TBL1X: variants seen among roughly 807,000 people sequenced by gnomAD.
The protein encoded by TBL1X is F-box-like/WD repeat-containing protein TBL1X.
Under a neutral mutation model 50.7 loss-of-function variants are expected in TBL1X, and 10 were observed. That is an observed-to-expected ratio of 0.20 (90% CI 0.12 to 0.33). The LOEUF is 0.33. TBL1X is among the 10% of genes least tolerant of loss of function. The pLI is 1.00. For synonymous variants in TBL1X, 190 were observed against 214.7 expected (o/e 0.88, Z 1.01); for missense variants, 340 against 504.4 (o/e 0.67, Z 3.12).
intron 13 of TBL1X, among the ~76,000 whole-genome samples, chrX:9,708,256 C>T (rs929667267): frequency 8.9e-6 from 1 of 112,087 alleles, no homozygotes; most frequent in African/African-American, 3.2e-5. Context: ...CACCTTTATC[C>T]TCCAGGGTTT....
chrX:9,475,716 G>A (rs1262321589), intron 1 of TBL1X, among the ~76,000 whole-genome samples: 1 of 111,386 alleles, frequency 9.0e-6, no homozygotes, highest in African/African-American at 3.3e-5. Context: ...TGCTTAGAAT[G>A]GCTGAAGGTT....
chrX:9,700,415 T>C (rs2146647073), intron 12 of TBL1X, among the ~76,000 whole-genome samples: 1 of 111,985 alleles, frequency 8.9e-6, no homozygotes, highest in South Asian at 3.7e-4. Flanking sequence ...CCCCAGGCCC[T>C]ATGGAAGGGT....
chrX:9,569,346 T>C (rs1025590552), intron 2 of TBL1X, among the ~76,000 whole-genome samples: 2 of 106,773 alleles, frequency 1.9e-5, no homozygotes, highest in African/African-American at 6.9e-5. Flanking sequence ...CTGTGCAGTG[T>C]GCTGTGTGTG....
chrX:9,702,441 CAAA>C (rs368394481), intron 12 of TBL1X, among the ~76,000 whole-genome samples: 2,162 of 45,153 alleles, frequency 0.048, 35 homozygotes, highest in Middle Eastern at 0.13. Context: ...GATCCTGTCT[CAAA>C]AAAAAAAAAA....
intron 1 of TBL1X, among the ~76,000 whole-genome samples, chrX:9,467,507 A>G: frequency 8.9e-6 from 1 of 112,528 alleles, no homozygotes; most frequent in South Asian, 3.7e-4. Flanking sequence ...CCCTTAGGAA[A>G]AGCAAAAAAA....
chrX:9,711,860 T>C, intron 16 of TBL1X, 84 bp downstream of exon 16: 4 of 1,032,354 alleles, frequency 3.9e-6, no homozygotes, highest in Non-Finnish European at 5.1e-6. Flanking sequence ...CTCAGAGCAG[T>C]GCCCCGGAGG....
At chrX:9,465,725 C>T (rs1398728604) in intron 1 of TBL1X, among the ~76,000 whole-genome samples, 1 of 112,797 alleles carries the variant, frequency 8.9e-6, no homozygotes, top group East Asian at 2.9e-4. Context: ...CGGGGGGCTC[C>T]TTTGTTTTGG....
At position 9,656,372 on chromosome X, in the gene TBL1X, G is replaced by A. The variant is rs774710946; in HGVS notation, c.211+2050G>A. On this transcript the variant is annotated intron_variant, in intron 5 of 17. Transcript: ENST00000645353. ...AACAAGTCCCAGGCTGGAACTGTCC[G>A]GTGTGAAGGACCACGTGCTCCGGTA... Among the ~76,000 whole-genome samples, 25 of 112,961 alleles carry A rather than the reference G, an allele frequency of 2.2e-4. No homozygotes were observed. The South Asian group carries it at 8.3e-3, about 38-fold the overall frequency.
At chrX:9,510,135 G>A (rs1056629031) in intron 2 of TBL1X, among the ~76,000 whole-genome samples, 1 of 111,063 alleles carries the variant, frequency 9.0e-6, no homozygotes, top group Admixed American at 9.6e-5. Context: ...TGGGGTGGGG[G>A]TGCTATGGCA....
intron 8 of TBL1X, 22 bp downstream of exon 8, chrX:9,691,733 G>A: frequency 8.3e-7 from 1 of 1,208,162 alleles, no homozygotes; most frequent in East Asian, 3.0e-5. Context: ...AGGGTGGGGG[G>A]CGCTCCAGAG....
At chrX:9,576,545 T>G (rs2082412785) in intron 2 of TBL1X, among the ~76,000 whole-genome samples, 1 of 111,579 alleles carries the variant, frequency 9.0e-6, no homozygotes, top group African/African-American at 3.3e-5. Flanking sequence ...ACTTTTTTTT[T>G]CATTAATTGC....
intron 2 of TBL1X, among the ~76,000 whole-genome samples, chrX:9,515,790 G>A (rs1008957008): frequency 1.8e-5 from 2 of 111,696 alleles, no homozygotes; most frequent in Non-Finnish European, 3.8e-5. Flanking sequence ...TGGGCTAAAC[G>A]AAAAAGGGTT....
At chrX:9,517,805 A>G (rs1266107606) in intron 2 of TBL1X, among the ~76,000 whole-genome samples, 1 of 112,476 alleles carries the variant, frequency 8.9e-6, no homozygotes, top group East Asian at 2.8e-4. Context: ...ATAGTTTTAC[A>G]TGTTTAAAGA....
chrX:9,622,927 A>C (rs760427051), intron 2 of TBL1X, among the ~76,000 whole-genome samples: 8 of 112,401 alleles, frequency 7.1e-5, no homozygotes, highest in African/African-American at 2.6e-4. Flanking sequence ...ATTGTGAATG[A>C]TGCTGCTGTG....
At chrX:9,572,542 A>T (rs184372702) in intron 2 of TBL1X, among the ~76,000 whole-genome samples, 2 of 113,011 alleles carry the variant, frequency 1.8e-5, no homozygotes, top group African/African-American at 6.4e-5. Flanking sequence ...GGTGTCTGTA[A>T]CTTAAACATC....
At chrX:9,503,150 G>A (rs1033712174) in intron 2 of TBL1X, among the ~76,000 whole-genome samples, 51 of 112,416 alleles carry the variant, frequency 4.5e-4, no homozygotes, top group Non-Finnish European at 8.8e-4. Context: ...GAAGGCTGGC[G>A]TGACCCACAG....
intron 2 of TBL1X, among the ~76,000 whole-genome samples, chrX:9,579,060 T>G (rs765193706): frequency 1.7e-4 from 19 of 111,767 alleles, no homozygotes; most frequent in Admixed American, 1.6e-3. Flanking sequence ...ATGTATTGTT[T>G]TTTCTTCCCC....
intron 2 of TBL1X, among the ~76,000 whole-genome samples, chrX:9,608,082 A>G (rs149296484): frequency 8.8e-4 from 97 of 110,445 alleles, no homozygotes; most frequent in African/African-American, 3.0e-3. Flanking sequence ...GATTACAGGC[A>G]TGAGCCATGT....
intron 2 of TBL1X, among the ~76,000 whole-genome samples, chrX:9,563,115 C>A (rs1315575917): frequency 8.9e-6 from 1 of 112,631 alleles, no homozygotes; most frequent in Non-Finnish European, 1.9e-5. Flanking sequence ...CGTTTCTTAC[C>A]ACAGCTTGCG....
Sources: gnomAD v4.1 joint callset for allele counts (sites outside exome capture counted in the v4.1 genomes callset) on GRCh38, gnomAD v4.1.1 for gene constraint, MANE v1.5 for transcripts, NCBI Gene and HGNC (gene_info 2026-07-23, HGNC 2026-07-21) for gene names.